The following PLB1 variants were observed in gnomAD, a reference collection of about 807,000 sequenced individuals.
PLB1 encodes phospholipase B1, also known as phospholipase B1, membrane-associated.
PLB1 carries 242 observed loss-of-function variants against 227.4 expected under a neutral mutation model. That is an observed-to-expected ratio of 1.06 (90% confidence interval 0.96 to 1.18). The LOEUF (loss-of-function observed/expected upper bound fraction) is 1.18. PLB1 is among the 50% of genes most tolerant of loss of function. PLB1 has a pLI of 0.00. For missense variants in PLB1, 1,858 were observed against 1,816.3 expected (o/e 1.02, Z -0.42); for synonymous variants, 757 against 682.2 (o/e 1.11, Z -1.71).
chr2:28,621,402 C>T (rs1036467392), intron 49 of PLB1, among the ~76,000 whole-genome samples: 9 of 152,158 alleles, frequency 5.9e-5, no homozygotes, highest in South Asian at 2.1e-4. Flanking sequence ...GTGCATGACC[C>T]GGGGGATAGC....
At chr2:28,496,501 C>T (rs1476963138) in intron 1 of PLB1, among the ~76,000 whole-genome samples, 1 of 152,160 alleles carries the variant, frequency 6.6e-6, no homozygotes. Context: ...TTCCACCTCC[C>T]TGGACCTTGA....
rs969124089 is a variant in PLB1 at position 28,565,297 on chromosome 2, G to A, written c.1224G>A (p.Gly408=). Residue 408 remains glycine, a synonymous_variant, in exon 19 of 58, where the codon GGG becomes GGA. Coordinates refer to ENST00000327757, the MANE Select transcript of PLB1 (RefSeq NM_153021.5). The stretch of plus-strand genomic sequence containing the variant: ...CCTCTCAGGCAGGCAATGGGGCCGG[G>A]TCCACACCTGGGAACGTCTTGGACG... ...GDSLTAGNGA[G]STPGNVLDVL... is the part of the protein sequence containing the mutation. The A allele has an allele frequency of 8.1e-6, 13 of 1,611,982 alleles. No homozygotes were observed. Among genetic ancestry groups the A allele is most frequent in the Middle Eastern group, 1.6e-4 (1 of 6,084 alleles).
intron 17 of PLB1, among the ~76,000 whole-genome samples, chr2:28,554,520 A>ATTTTTTTTTTTTTTTTTTTTTTTT (rs1239121877): frequency 1.9e-5 from 1 of 51,756 alleles, no homozygotes; most frequent in East Asian, 9.0e-4. Context: ...TTTTTTTTTA[A>ATTTTTTTTTTTTTTTTTTTTTTTT]GAGATGGGGT....
intron 1 of PLB1, among the ~76,000 whole-genome samples, chr2:28,515,386 A>G (rs906708124): frequency 1.3e-5 from 2 of 152,092 alleles, no homozygotes; most frequent in South Asian, 4.1e-4. Flanking sequence ...CTCCAGTTAC[A>G]AACACCTATG....
At chr2:28,640,473 T>C (rs1228719999) in intron 56 of PLB1, among the ~76,000 whole-genome samples, 2 of 152,202 alleles carry the variant, frequency 1.3e-5, no homozygotes, top group Non-Finnish European at 2.9e-5. Flanking sequence ...GTAACCAATA[T>C]GTTTCCAAAC....
At chr2:28,615,668 G>C (rs1686095525) in intron 44 of PLB1, among the ~76,000 whole-genome samples, 1 of 152,194 alleles carries the variant, frequency 6.6e-6, no homozygotes, top group African/African-American at 2.4e-5. Context: ...AATGTCAGCT[G>C]CATCTTGTGA....
chr2:28,497,818 A>G (rs1477359664), intron 1 of PLB1, among the ~76,000 whole-genome samples: 2 of 151,838 alleles, frequency 1.3e-5, no homozygotes, highest in Non-Finnish European at 2.9e-5. Flanking sequence ...CTCCAGGTTC[A>G]AGCAATTCCC....
At chr2:28,604,345 C>T (rs1684347014) in intron 40 of PLB1, among the ~76,000 whole-genome samples, 1 of 152,248 alleles carries the variant, frequency 6.6e-6, no homozygotes, top group African/African-American at 2.4e-5. Context: ...ACCTTTCCCT[C>T]CCCCACTCCC....
chr2:28,637,992 T>C (rs1276771117), intron 56 of PLB1, among the ~76,000 whole-genome samples: 1 of 152,060 alleles, frequency 6.6e-6, no homozygotes, highest in African/African-American at 2.4e-5. Flanking sequence ...CCGCCAAGCT[T>C]CTCCATTCAG....
At position 28,632,078 on chromosome 2, in the gene PLB1, C is replaced by A; in HGVS notation, c.3940C>A (p.Arg1314Ser). 1 of 1,614,140 alleles carries A rather than the reference C, an allele frequency of 6.2e-7. No individual in the cohort carries two copies. The highest frequency in any genetic ancestry group is 8.5e-7 in the Non-Finnish European group (1 of 1,180,012). ...CTCCTACTGGCACCAATACACACAG[C>A]GTGAGGACTTTGCGGTTGTGGTGCA... is the stretch of plus-strand genomic sequence containing the variant. Reference protein sequence around the residue: ...SFSYWHQYTQREDFAVVVQPF... With the variant: ...SFSYWHQYTQSEDFAVVVQPF... Residue 1314 changes from arginine (R) to serine (S), a missense_variant, in exon 55 of 58, where the codon CGT (arginine) becomes AGT (serine). Physicochemically the swap from Arg to Ser is moderately radical, Grantham distance 110. Transcript: ENST00000327757.
chr2:28,569,953 G>A (rs1428693422), intron 20 of PLB1, among the ~76,000 whole-genome samples: 8 of 123,816 alleles, frequency 6.5e-5, no homozygotes, highest in African/African-American at 1.8e-4. Context: ...GCAACAGAGC[G>A]AGACTCCATC....
chr2:28,604,419 C>T (rs1459872308), intron 40 of PLB1, among the ~76,000 whole-genome samples: 3 of 152,244 alleles, frequency 2.0e-5, no homozygotes, highest in Non-Finnish European at 4.4e-5. Flanking sequence ...TTTGGGACTT[C>T]CTGCCTAGCC....
intron 14 of PLB1, among the ~76,000 whole-genome samples, chr2:28,545,305 G>T (rs975231252): frequency 6.6e-6 from 1 of 152,144 alleles, no homozygotes; most frequent in Non-Finnish European, 1.5e-5. Context: ...GACATGGGGG[G>T]CAGGGAGAGA....
At chr2:28,498,997 A>G (rs1572598950) in intron 1 of PLB1, among the ~76,000 whole-genome samples, 1 of 152,148 alleles carries the variant, frequency 6.6e-6, no homozygotes, top group African/African-American at 2.4e-5. Flanking sequence ...TAGATCTTTA[A>G]TGCCTCTCAA....
rs763192048 is a variant in PLB1, at chr2:28,604,695, C to T, written c.2897C>T (p.Thr966Met). The change falls in exon 41 of 58, where the codon ACG becomes ATG. Residue 966 changes from threonine to methionine, a missense_variant. Transcript: ENST00000327757. ...RELVGSGRYDTQEDFSVVLQP... is the reference protein window; with the variant it reads ...RELVGSGRYDMQEDFSVVLQP... Reference sequence around the variant, plus strand: ...CTGGTGGGGTCAGGCCGCTATGACACGCAGGAGGACTTCTCTGTGGTGCTG... The same window carrying T: ...CTGGTGGGGTCAGGCCGCTATGACATGCAGGAGGACTTCTCTGTGGTGCTG... The T allele has an allele frequency of 3.0e-5, 49 of 1,614,046 alleles. No homozygotes were observed. The highest frequency in any genetic ancestry group is 1.6e-4 in the Middle Eastern group (1 of 6,084).
rs1553447274 is a variant in PLB1 at position 28,593,958 on chromosome 2, T to TTA, written c.2321+205_2321+206insAT. ...TTACTGTTGATAATCTTTTTTTTTTTTTTGATTGTGCAGAGAAAGTAAACC... is the reference window on the plus strand; with the variant it reads ...TTACTGTTGATAATCTTTTTTTTTTTTATTTGATTGTGCAGAGAAAGTAAACC... On this transcript the variant is annotated intron_variant, in intron 33 of 57. Transcript: ENST00000327757. 21 of 740,660 alleles carry TTA rather than the reference T, an allele frequency of 2.8e-5. No homozygotes were observed. In the African/African-American group the frequency reaches 3.0e-4, roughly 11 times the overall value. The allele number at this position is 740,660 out of a possible 1,614,324, so 45.9% of individuals were successfully genotyped here.
At chr2:28,538,059 C>T (rs1671943543) in intron 9 of PLB1, among the ~76,000 whole-genome samples, 1 of 152,194 alleles carries the variant, frequency 6.6e-6, no homozygotes, top group South Asian at 2.1e-4. Flanking sequence ...TGAGTTTGCC[C>T]TTTCCTGATG....
rs1400726344 is a variant in PLB1, at chr2:28,593,688, A to G, written c.2255A>G (p.Asn752Ser). The change falls in exon 33 of 58, where the codon AAT becomes AGT. Residue 752 changes from asparagine to serine, a missense_variant. Coordinates refer to ENST00000327757, the MANE Select transcript of PLB1 (RefSeq NM_153021.5). ...AALGDSLTAG[N>S]GIGSKPDDLP... The stretch of plus-strand genomic sequence containing the variant: ...TCTGGTATATTTTCAAAGGCTGGCA[A>G]TGGAATTGGCTCCAAACCAGACGAC... 2.5e-6 allele frequency: 4 copies of G among 1,614,084 alleles called. No homozygotes were observed. Among genetic ancestry groups the G allele is most frequent in the Non-Finnish European group, 3.4e-6 (4 of 1,179,984 alleles).
chr2:28,603,487 C>T (rs1311030176), intron 39 of PLB1, among the ~76,000 whole-genome samples: 1 of 152,118 alleles, frequency 6.6e-6, no homozygotes, highest in Non-Finnish European at 1.5e-5. Context: ...AGAAATCTCT[C>T]TCTTAAGTAG....
Sources: gnomAD v4.1 joint callset for allele counts (sites outside exome capture counted in the v4.1 genomes callset) on GRCh38, gnomAD v4.1.1 for gene constraint, MANE v1.5 for transcripts, NCBI Gene and HGNC (gene_info 2026-07-23, HGNC 2026-07-21) for gene names.